SMYD3: variants seen among roughly 807,000 people sequenced by gnomAD.
SMYD3 encodes the protein histone-lysine N-methyltransferase SMYD3.
SMYD3 carries 36 observed loss-of-function variants against 57.7 expected under a neutral mutation model. The observed-to-expected ratio is 0.62, with a 90% CI of 0.48 to 0.82. SMYD3 has a LOEUF of 0.82. SMYD3 is among the 40% of genes least tolerant of loss of function. The pLI is 0.00. For missense variants in SMYD3, 515 were observed against 538.8 expected, an observed-to-expected ratio of 0.96 and a Z score of 0.44; for synonymous variants, 211 against 195.0, an observed-to-expected ratio of 1.08 and a Z score of -0.68.
chr1:245,878,513 AG>A (rs2052609652), intron 8 of SMYD3, among the ~76,000 whole-genome samples: 1 of 152,300 alleles, frequency 6.6e-6, no homozygotes, highest in Middle Eastern at 3.4e-3. Flanking sequence ...TGCATCTGGA[AG>A]TCAGCAGGGT....
intron 10 of SMYD3, among the ~76,000 whole-genome samples, chr1:245,770,534 A>C (rs2046292740): frequency 6.6e-6 from 1 of 152,244 alleles, no homozygotes; most frequent in African/African-American, 2.4e-5. Context: ...AGCAAAAGTA[A>C]ACATGTCTGA....
At chr1:246,415,583 T>C (rs189360298) in intron 1 of SMYD3, among the ~76,000 whole-genome samples, 1 of 152,188 alleles carries the variant, frequency 6.6e-6, no homozygotes, top group Admixed American at 6.5e-5. Context: ...AATAAATAAA[T>C]AATCTTTGCT....
intron 5 of SMYD3, among the ~76,000 whole-genome samples, chr1:246,197,347 C>T (rs576353979): frequency 1.3e-5 from 2 of 152,068 alleles, no homozygotes; most frequent in East Asian, 1.9e-4. Context: ...GGCTGACAAA[C>T]GCGACCTCAG....
At chr1:246,326,582 G>C (rs1308355160) in intron 5 of SMYD3, among the ~76,000 whole-genome samples, 2 of 144,184 alleles carry the variant, frequency 1.4e-5, no homozygotes, top group African/African-American at 2.5e-5. Context: ...AAGACCATCC[G>C]TCTCTACAAA....
intron 5 of SMYD3, chr1:246,096,557 C>T (rs1032240137): frequency 6.6e-6 from 1 of 152,188 alleles, no homozygotes; most frequent in African/African-American, 2.4e-5. Context: ...ACATCAGACA[C>T]CTGGCAATCT....
chr1:246,126,796 T>A (rs1428650279), intron 5 of SMYD3, among the ~76,000 whole-genome samples: 1 of 152,224 alleles, frequency 6.6e-6, no homozygotes, highest in South Asian at 2.1e-4. Flanking sequence ...GATGACATCA[T>A]TTTATCTCCA....
intron 9 of SMYD3, among the ~76,000 whole-genome samples, chr1:245,862,048 C>T (rs1890818): frequency 0.55 from 83,433 of 151,906 alleles, 26,366 homozygotes; most frequent in Non-Finnish European, 0.73. Context: ...CACATAAAGG[C>T]TCTTTGAGCC....
Position 245,797,828 on chromosome 1 carries a change from C to CAAAAAAAAAAAAAAAAA in SMYD3, c.1077-33696_1077-33680dup, listed in dbSNP as rs559088835. Among the ~76,000 whole-genome samples, 330 of 109,398 alleles carry CAAAAAAAAAAAAAAAAA rather than the reference C, an allele frequency of 3.0e-3. 4 individuals are homozygous for CAAAAAAAAAAAAAAAAA. Among genetic ancestry groups the CAAAAAAAAAAAAAAAAA allele is most frequent in the Non-Finnish European group, 4.9e-3 (283 of 57,256 alleles). The allele number at this position is 109,398 out of a possible 152,430, so 71.8% of individuals were successfully genotyped here. ...TGTCCTCTCAATTGCTTCCGGGTTC[C>CAAAAAAAAAAAAAAAAA]AAAAAAAAAAAAAAAAAAAAGGTGG... On this transcript the variant is annotated intron_variant, in intron 10 of 11. Coordinates refer to ENST00000490107, the MANE Select transcript of SMYD3 (RefSeq NM_001167740.2).
chr1:246,380,457 T>A (rs758073941), intron 1 of SMYD3, among the ~76,000 whole-genome samples: 1 of 152,230 alleles, frequency 6.6e-6, no homozygotes, highest in Non-Finnish European at 1.5e-5. Context: ...TTTTGAAATG[T>A]CATTACTTGA....
intron 11 of SMYD3, among the ~76,000 whole-genome samples, chr1:245,750,231 A>G (rs1374500384): frequency 2.0e-5 from 3 of 152,168 alleles, no homozygotes; most frequent in Non-Finnish European, 2.9e-5. Context: ...GAGTACTTCA[A>G]TAATAGAGTA....
At chr1:246,312,285 G>T (rs1391571790) in intron 5 of SMYD3, among the ~76,000 whole-genome samples, 1 of 151,746 alleles carries the variant, frequency 6.6e-6, no homozygotes, top group African/African-American at 2.4e-5. Flanking sequence ...TCAAATCTGG[G>T]TTTTTTTTCA....
At chr1:245,902,954 C>G (rs964752566) in intron 8 of SMYD3, among the ~76,000 whole-genome samples, 6 of 152,086 alleles carry the variant, frequency 3.9e-5, no homozygotes, top group African/African-American at 1.4e-4. Flanking sequence ...AAACATGACA[C>G]CTACAAAGCA....
At chr1:246,267,721 C>A (rs927759080) in intron 5 of SMYD3, among the ~76,000 whole-genome samples, 1 of 152,192 alleles carries the variant, frequency 6.6e-6, no homozygotes, top group African/African-American at 2.4e-5. Context: ...TCCTGGATTA[C>A]AACTCTAAGG....
At position 246,100,011 on chromosome 1, in the gene SMYD3, T is replaced by G. The variant is rs905623594; in HGVS notation, c.532-170074A>C. 9.2e-5 allele frequency among the ~76,000 whole-genome samples: 14 copies of G among 152,210 alleles called. 1 individual carries two copies. The highest frequency in any genetic ancestry group is 3.4e-4 in the African/African-American group (14 of 41,468). ...CGGAATGTGCTAGGATATATTTATC[T>G]AATATATTCACTCTTCTTAATTGTT... On this transcript the variant is annotated intron_variant, in intron 5 of 11. Coordinates refer to ENST00000490107, the MANE Select transcript of SMYD3 (RefSeq NM_001167740.2).
chr1:245,846,939 C>A (rs142205114), intron 10 of SMYD3, among the ~76,000 whole-genome samples: 6 of 152,154 alleles, frequency 3.9e-5, no homozygotes, highest in Non-Finnish European at 7.3e-5. Context: ...GTCCTTTATG[C>A]AGGAAGAGCA....
rs368252764 is a variant in SMYD3 at position 246,312,473 on chromosome 1, A to C, written c.531+14728T>G. ...TCAAGAGATCTTTAAAAGCAGCATA[A>C]GCAGGGCATACAGAAGTTTGGGGGA... On this transcript the variant is annotated intron_variant, in intron 5 of 11. Coordinates refer to ENST00000490107, the MANE Select transcript of SMYD3 (RefSeq NM_001167740.2). 5.9e-5 allele frequency among the ~76,000 whole-genome samples: 9 copies of C among 152,174 alleles called. 1 individual carries two copies. The East Asian group carries it at 1.2e-3, about 20-fold the overall frequency.
At chr1:246,486,162 TTTA>T (rs1398499621) in intron 1 of SMYD3, among the ~76,000 whole-genome samples, 8 of 152,224 alleles carry the variant, frequency 5.3e-5, no homozygotes, top group Non-Finnish European at 4.4e-5. Context: ...TAAGGTTGTT[TTTA>T]TTATTGTTGT....
intron 1 of SMYD3, among the ~76,000 whole-genome samples, chr1:246,398,352 A>G (rs1193612562): frequency 6.6e-6 from 1 of 152,262 alleles, no homozygotes; most frequent in Non-Finnish European, 1.5e-5. Flanking sequence ...AGTTTGGCCC[A>G]CGCCCAGAAA....
intron 1 of SMYD3, among the ~76,000 whole-genome samples, chr1:246,395,327 GTTT>G (rs1160776994): frequency 3.3e-5 from 5 of 152,174 alleles, no homozygotes; most frequent in Admixed American, 2.6e-4. Context: ...TCCTTCAAAT[GTTT>G]CAATGAAATG....
Sources: gnomAD v4.1 joint callset for allele counts (sites outside exome capture counted in the v4.1 genomes callset) on GRCh38, gnomAD v4.1.1 for gene constraint, MANE v1.5 for transcripts, NCBI Gene and HGNC (gene_info 2026-07-23, HGNC 2026-07-21) for gene names.